Variants in UNC5C observed in about 807,000 individuals in gnomAD.
The protein encoded by UNC5C is unc-5 netrin receptor C, also known as netrin receptor UNC5C.
Under a neutral mutation model 99.8 loss-of-function variants are expected in UNC5C, and 47 were observed. The observed-to-expected ratio is 0.47, with a 90% CI of 0.37 to 0.60. The LOEUF (loss-of-function observed/expected upper bound fraction) is 0.60. Ranked by LOEUF, UNC5C falls within the 20% of genes least tolerant of loss-of-function variation. The pLI is 0.00. For synonymous variants in UNC5C, 487 were observed against 452.2 expected, an observed-to-expected ratio of 1.08 and a Z score of -0.98; for missense variants, 1,062 against 1,165.9, an observed-to-expected ratio of 0.91 and a Z score of 1.30.
At chr4:95,363,614 T>C (rs530083305) in intron 1 of UNC5C, among the ~76,000 whole-genome samples, 1 of 152,166 alleles carries the variant, frequency 6.6e-6, no homozygotes, top group South Asian at 2.1e-4. Flanking sequence ...CAAAAGAGAG[T>C]GAAAGAATGT....
At chr4:95,216,926 T>C (rs1250423804) in intron 9 of UNC5C, among the ~76,000 whole-genome samples, 1 of 152,192 alleles carries the variant, frequency 6.6e-6, no homozygotes, top group Non-Finnish European at 1.5e-5. Context: ...TTCAGAGATA[T>C]GGGGTGTGGG....
intron 1 of UNC5C, among the ~76,000 whole-genome samples, chr4:95,495,731 C>T (rs1268035791): frequency 6.6e-6 from 1 of 151,480 alleles, no homozygotes; most frequent in Non-Finnish European, 1.5e-5. Flanking sequence ...GTTTTGACTC[C>T]AGAGCTCATC....
At chr4:95,332,172 T>G (rs1743139249) in intron 2 of UNC5C, among the ~76,000 whole-genome samples, 1 of 152,212 alleles carries the variant, frequency 6.6e-6, no homozygotes, top group East Asian at 1.9e-4. Flanking sequence ...TTCAGTGCCA[T>G]CCCCATCAAG....
intron 14 of UNC5C, among the ~76,000 whole-genome samples, chr4:95,181,905 A>G (rs17415720): frequency 0.042 from 6,447 of 152,336 alleles, 184 homozygotes; most frequent in Non-Finnish European, 0.067. Flanking sequence ...GTCACTGTGC[A>G]TGACACAACG....
chr4:95,366,301 A>G (rs2626036), intron 1 of UNC5C, among the ~76,000 whole-genome samples: 94,833 of 152,028 alleles, frequency 0.62, 31,234 homozygotes, highest in African/African-American at 0.84. Context: ...TCCATCTCAA[A>G]AATAAAATAA....
intron 1 of UNC5C, among the ~76,000 whole-genome samples, chr4:95,446,362 T>TGA (rs1200733700): frequency 6.6e-6 from 1 of 152,182 alleles, no homozygotes; most frequent in African/African-American, 2.4e-5. Context: ...TGATAGACTC[T>TGA]GAGGGACTAC....
At chr4:95,491,159 T>C (rs572098576) in intron 1 of UNC5C, among the ~76,000 whole-genome samples, 18 of 151,732 alleles carry the variant, frequency 1.2e-4, no homozygotes, top group Non-Finnish European at 2.2e-4. Flanking sequence ...AAAGTGGGTA[T>C]ATATGAGAAC....
intron 12 of UNC5C, among the ~76,000 whole-genome samples, chr4:95,200,397 A>G (rs1737608726): frequency 1.3e-5 from 2 of 152,164 alleles, no homozygotes; most frequent in Admixed American, 1.3e-4. Context: ...TAGGTCTTCA[A>G]GCAACTTTGC....
intron 1 of UNC5C, among the ~76,000 whole-genome samples, chr4:95,359,360 T>C (rs1744311579): frequency 6.6e-6 from 1 of 152,160 alleles, no homozygotes; most frequent in African/African-American, 2.4e-5. Flanking sequence ...TAACTTCTTT[T>C]GTTGGCCAAA....
rs369137039 is a variant in UNC5C, at chr4:95,358,299, G to T, written c.125-22668C>A. Among the ~76,000 whole-genome samples, 152 of 152,262 alleles carry T rather than the reference G, an allele frequency of 1.0e-3. 3 individuals are homozygous for T. Among genetic ancestry groups the T allele is most frequent in the African/African-American group, 3.2e-3 (131 of 41,560 alleles). On this transcript the variant is annotated intron_variant, in intron 1 of 15. Coordinates refer to ENST00000453304, the MANE Select transcript of UNC5C (RefSeq NM_003728.4). Reference sequence around the variant, plus strand: ...CATAGTTTCCTTGTGGCATGTGATAGAATTCATTTTTTTGTGGCTTTGCAA... The same window carrying T: ...CATAGTTTCCTTGTGGCATGTGATATAATTCATTTTTTTGTGGCTTTGCAA...
intron 11 of UNC5C, among the ~76,000 whole-genome samples, chr4:95,203,568 C>G (rs1358450457): frequency 6.6e-6 from 1 of 152,114 alleles, no homozygotes; most frequent in Non-Finnish European, 1.5e-5. Flanking sequence ...CCCCTAGGCC[C>G]AAGTGATCCC....
chr4:95,201,685 C>G (rs571506301), intron 12 of UNC5C, among the ~76,000 whole-genome samples: 3 of 152,026 alleles, frequency 2.0e-5, no homozygotes, highest in African/African-American at 7.2e-5. Flanking sequence ...CTCACTGCAA[C>G]CTCTGCCTCC....
chr4:95,171,919 A>G (rs1736132443), intron 14 of UNC5C, among the ~76,000 whole-genome samples: 1 of 151,724 alleles, frequency 6.6e-6, no homozygotes, highest in Non-Finnish European at 1.5e-5. Flanking sequence ...TGACTTTTTA[A>G]TGATTGCCAT....
intron 1 of UNC5C, among the ~76,000 whole-genome samples, chr4:95,339,082 G>T (rs936412529): frequency 6.6e-6 from 1 of 151,972 alleles, no homozygotes; most frequent in South Asian, 2.1e-4. Context: ...CTTTATTACT[G>T]GATATTCATT....
At chr4:95,465,121 A>G (rs1411176152) in intron 1 of UNC5C, among the ~76,000 whole-genome samples, 1 of 152,186 alleles carries the variant, frequency 6.6e-6, no homozygotes, top group Admixed American at 6.6e-5. Context: ...GTTCCAAATG[A>G]ATACCGTATG....
At chr4:95,383,098 C>T (rs1745116932) in intron 1 of UNC5C, among the ~76,000 whole-genome samples, 1 of 152,102 alleles carries the variant, frequency 6.6e-6, no homozygotes, top group Non-Finnish European at 1.5e-5. Context: ...AAACAGTAAG[C>T]AAAGCTGCCA....
At chr4:95,351,001 A>T (rs1743967349) in intron 1 of UNC5C, among the ~76,000 whole-genome samples, 1 of 152,058 alleles carries the variant, frequency 6.6e-6, no homozygotes, top group Admixed American at 6.6e-5. Flanking sequence ...CAACATCTAG[A>T]TTATTGTTTG....
chr4:95,172,493 G>C (rs1314861302), intron 14 of UNC5C, among the ~76,000 whole-genome samples: 1 of 152,140 alleles, frequency 6.6e-6, no homozygotes, highest in Non-Finnish European at 1.5e-5. Context: ...TTATTAAATA[G>C]GGAATCATTT....
At chr4:95,544,308 C>A (rs753372009) in intron 1 of UNC5C, among the ~76,000 whole-genome samples, 1 of 152,138 alleles carries the variant, frequency 6.6e-6, no homozygotes, top group Non-Finnish European at 1.5e-5. Flanking sequence ...CTCCCCAGAG[C>A]CAGATGAAAC....
Sources: allele counts gnomAD v4.1 joint callset (sites outside exome capture counted in the v4.1 genomes callset), GRCh38; gene constraint gnomAD v4.1.1; transcripts MANE v1.5; gene names NCBI Gene and HGNC (gene_info 2026-07-23, HGNC 2026-07-21).